The following PRKN variants were observed in gnomAD, a reference collection of about 807,000 sequenced individuals.
PRKN encodes the protein E3 ubiquitin-protein ligase parkin.
A neutral mutation model predicts 59.5 loss-of-function variants in PRKN; 56 were observed. The observed-to-expected ratio is 0.94, with a 90% confidence interval of 0.76 to 1.18. The LOEUF is 1.18. PRKN is among the 50% of genes most tolerant of loss of function. PRKN has a pLI of 0.00. For synonymous variants in PRKN, 250 were observed against 222.1 expected (o/e 1.13, Z -1.12); for missense variants, 657 against 596.4 (o/e 1.10, Z -1.06).
intron 6 of PRKN, among the ~76,000 whole-genome samples, chr6:161,794,357 T>A (rs1302922244): frequency 1.3e-5 from 2 of 151,950 alleles, no homozygotes; most frequent in African/African-American, 4.8e-5. Context: ...ATGGATTAGG[T>A]CTCATGAGTG....
At position 162,320,572 on chromosome 6, in the gene PRKN, A is replaced by T. The variant is rs116629515; in HGVS notation, c.172-57807T>A. ...TAAGACACCACTACACACCTATTAG[A>T]ATTGTTAAAAATAAAAAGACTATTT... On this transcript the variant is annotated intron_variant, in intron 2 of 11. Coordinates refer to ENST00000366898, the MANE Select transcript of PRKN (RefSeq NM_004562.3). 6.0e-3 allele frequency among the ~76,000 whole-genome samples: 908 copies of T among 151,786 alleles called. 10 individuals are homozygous for T. Among genetic ancestry groups the T allele is most frequent in the African/African-American group, 0.021 (876 of 41,508 alleles).
intron 9 of PRKN, among the ~76,000 whole-genome samples, chr6:161,439,146 A>C (rs946943789): frequency 6.6e-6 from 1 of 152,198 alleles, no homozygotes; most frequent in African/African-American, 2.4e-5. Context: ...ACCCGGAGGA[A>C]AAGGCAGACA....
Position 161,429,335 on chromosome 6 carries a change from T to C in PRKN, c.1084-42458A>G, listed in dbSNP as rs1245336263. On this transcript the variant is annotated intron_variant, in intron 9 of 11. Coordinates refer to ENST00000366898, the MANE Select transcript of PRKN (RefSeq NM_004562.3). This position sits in a 1 kb window ranked among gnomAD's most constrained non-coding sequence, Gnocchi z 4.2. ...AAAGTTCCTGCCCTCAGGGAGCTTA[T>C]AGTCAGTCATGGGCAAGTAAACAGG... 6.6e-6 allele frequency among the ~76,000 whole-genome samples: 1 copy of C among 152,150 alleles called. No homozygotes were observed. The highest frequency in any genetic ancestry group is 1.5e-5 in the Non-Finnish European group (1 of 68,034).
intron 7 of PRKN, among the ~76,000 whole-genome samples, chr6:161,784,115 T>G (rs976539651): frequency 2.8e-4 from 43 of 152,172 alleles, no homozygotes; most frequent in African/African-American, 1.0e-3. Context: ...TAGAGAGAGA[T>G]AGGAACTTTT....
chr6:162,237,228 G>GA (rs1241071893), intron 3 of PRKN, among the ~76,000 whole-genome samples: 4 of 151,860 alleles, frequency 2.6e-5, no homozygotes, highest in Non-Finnish European at 5.9e-5. Context: ...ATTTAGCATG[G>GA]AAAAAAATGT....
intron 6 of PRKN, among the ~76,000 whole-genome samples, chr6:161,842,902 C>T (rs372271917): frequency 1.6e-4 from 25 of 152,092 alleles, no homozygotes; most frequent in Non-Finnish European, 2.8e-4. Flanking sequence ...ACAGTTTCAG[C>T]GGATTGAGGC....
chr6:162,438,466 T>A (rs186384485), intron 2 of PRKN, among the ~76,000 whole-genome samples: 1 of 152,070 alleles, frequency 6.6e-6, no homozygotes, highest in African/African-American at 2.4e-5. Context: ...TTAGGGTAGG[T>A]CTGCTGGTGA....
At chr6:162,285,170 G>T (rs1179344088) in intron 2 of PRKN, among the ~76,000 whole-genome samples, 1 of 151,536 alleles carries the variant, frequency 6.6e-6, no homozygotes, top group African/African-American at 2.4e-5. Context: ...TGTAGTGAAG[G>T]TTCATTTTAT....
chr6:162,658,658 C>CAAAAAAAAAAAAGAAA (rs1778752100), intron 1 of PRKN, among the ~76,000 whole-genome samples: 2 of 109,106 alleles, frequency 1.8e-5, no homozygotes, highest in Admixed American at 1.0e-4. Context: ...GAGACTCTGT[C>CAAAAAAAAAAAAGAAA]AAAAAAAAAA....
intron 7 of PRKN, among the ~76,000 whole-genome samples, chr6:161,603,953 CT>C (rs1782190756): frequency 6.6e-6 from 1 of 152,176 alleles, no homozygotes; most frequent in African/African-American, 2.4e-5. Context: ...AAAACAGCCC[CT>C]TCTACTATGT....
intron 2 of PRKN, among the ~76,000 whole-genome samples, chr6:162,268,282 C>T (rs1039163396): frequency 9.2e-5 from 14 of 152,144 alleles, no homozygotes; most frequent in African/African-American, 3.4e-4. Context: ...GTGATTAAAT[C>T]ATGATGGGGC....
chr6:161,852,920 G>T (rs1482128736), intron 6 of PRKN, among the ~76,000 whole-genome samples: 1 of 152,136 alleles, frequency 6.6e-6, no homozygotes. Flanking sequence ...GGAGGCCAGA[G>T]AAATGAGATG....
At chr6:162,486,799 G>A (rs1269502366) in intron 1 of PRKN, among the ~76,000 whole-genome samples, 4 of 152,124 alleles carry the variant, frequency 2.6e-5, no homozygotes, top group Admixed American at 6.6e-5. Context: ...GCCAGGCGTG[G>A]TGGCTCATGC....
chr6:162,444,317 TG>T (rs1790204345), intron 1 of PRKN, among the ~76,000 whole-genome samples: 1 of 152,136 alleles, frequency 6.6e-6, no homozygotes, highest in Non-Finnish European at 1.5e-5. Context: ...TACATAGTTC[TG>T]CAAAATGAGC....
At chr6:161,364,999 A>G (rs1785141481) in intron 10 of PRKN, among the ~76,000 whole-genome samples, 1 of 151,988 alleles carries the variant, frequency 6.6e-6, no homozygotes, top group Admixed American at 6.6e-5. Flanking sequence ...TGAGAATTGG[A>G]TGATTCTAAT....
intron 10 of PRKN, among the ~76,000 whole-genome samples, chr6:161,368,318 T>C (rs1308876152): frequency 2.7e-5 from 4 of 145,960 alleles, no homozygotes; most frequent in Non-Finnish European, 6.0e-5. Context: ...TGTATATATA[T>C]TTATATATAT....
intron 1 of PRKN, among the ~76,000 whole-genome samples, chr6:162,603,014 C>A (rs1282934745): frequency 6.6e-6 from 1 of 152,120 alleles, no homozygotes; most frequent in African/African-American, 2.4e-5. Flanking sequence ...CTCCCAAACC[C>A]CAGAAGCTCC....
intron 1 of PRKN, among the ~76,000 whole-genome samples, chr6:162,726,540 G>A (rs1779202312): frequency 6.6e-6 from 1 of 152,168 alleles, no homozygotes; most frequent in South Asian, 2.1e-4. Flanking sequence ...CAAAGACCAT[G>A]CCAGTTAGCT....
At chr6:161,658,030 A>AAAAAAG (rs781518268) in intron 7 of PRKN, among the ~76,000 whole-genome samples, 1 of 104,902 alleles carries the variant, frequency 9.5e-6, no homozygotes, top group South Asian at 3.3e-4. Flanking sequence ...AAAAAAAAAA[A>AAAAAAG]AAAAGAAAAG....
Sources: allele counts gnomAD v4.1 joint callset (sites outside exome capture counted in the v4.1 genomes callset), GRCh38; gene constraint gnomAD v4.1.1; non-coding constraint Gnocchi (gnomAD v3.1); transcripts MANE v1.5; gene names NCBI Gene and HGNC (gene_info 2026-07-23, HGNC 2026-07-21).